The following VWF variants were observed in gnomAD, a reference collection of about 807,000 sequenced individuals.
The protein encoded by VWF is von Willebrand factor.
Under a neutral mutation model 308.6 loss-of-function variants are expected in VWF, and 176 were observed. That is an observed-to-expected ratio of 0.57 (90% confidence interval 0.50 to 0.65). The LOEUF (loss-of-function observed/expected upper bound fraction) is 0.65, where lower values mean the gene tolerates loss of function less well. Ranked by LOEUF, VWF falls within the 30% of genes least tolerant of loss-of-function variation. The pLI is 0.00. For missense variants in VWF, 3,146 were observed against 3,648.2 expected (o/e 0.86, Z 3.55); for synonymous variants, 1,385 against 1,443.4 (o/e 0.96, Z 0.92).
chr12:6,012,692 T>TG (rs147254096), intron 32 of VWF, among the ~76,000 whole-genome samples: 3 of 145,958 alleles, frequency 2.1e-5, no homozygotes, highest in African/African-American at 7.8e-5. Flanking sequence ...CGTGTGTGTG[T>TG]GTGTGTGTGT....
intron 35 of VWF, among the ~76,000 whole-genome samples, chr12:5,995,388 T>C (rs10849377): frequency 0.075 from 11,382 of 152,292 alleles, 607 homozygotes; most frequent in East Asian, 0.24. Flanking sequence ...ACTAAGATTT[T>C]TCTGCAATTA....
chr12:6,074,101 C>T (rs1016090455), intron 7 of VWF, among the ~76,000 whole-genome samples: 7 of 152,094 alleles, frequency 4.6e-5, no homozygotes, highest in South Asian at 2.1e-4. Context: ...TGGAGTCCTA[C>T]GACAAAGCAA....
At chr12:6,023,545 T>C in intron 25 of VWF, 86 bp downstream of exon 25, 3 of 1,557,936 alleles carry the variant, frequency 1.9e-6, no homozygotes, top group Non-Finnish European at 2.6e-6. Context: ...CCCATGAAGA[T>C]ATCCCCCTGC....
Position 6,069,489 on chromosome 12 carries a change from C to T in VWF, c.1156+1808G>A, listed in dbSNP as rs1338693877. On this transcript the variant is annotated intron_variant, in intron 10 of 51. Transcript: ENST00000261405. ...AGAGCCAAGCATATCCCCTCCAGAA[C>T]CATACCGCCTATTCTTCCCATCAGA... 2.6e-5 allele frequency among the ~76,000 whole-genome samples: 4 copies of T among 152,142 alleles called. No individual in the cohort carries two copies. In the East Asian group the frequency reaches 7.7e-4, roughly 29 times the overall value.
chr12:6,032,480 T>C (rs1944277764), intron 20 of VWF, among the ~76,000 whole-genome samples: 1 of 113,394 alleles, frequency 8.8e-6, no homozygotes, highest in Non-Finnish European at 1.9e-5. Flanking sequence ...TCTACTAAAA[T>C]ACAAAAAATT....
At chr12:6,042,960 C>T (rs960458362) in intron 18 of VWF, among the ~76,000 whole-genome samples, 2 of 152,170 alleles carry the variant, frequency 1.3e-5, no homozygotes, top group African/African-American at 4.8e-5. Context: ...ACCTAAGAGG[C>T]CCCAGGGATA....
At chr12:5,999,291 C>T (rs749978549) in intron 34 of VWF, among the ~76,000 whole-genome samples, 13 of 151,960 alleles carry the variant, frequency 8.6e-5, no homozygotes, top group African/African-American at 2.2e-4. Context: ...TAAAAACACA[C>T]GCAATATTTG....
intron 34 of VWF, among the ~76,000 whole-genome samples, chr12:6,008,483 TAA>T (rs1943955662): frequency 6.6e-6 from 1 of 152,122 alleles, no homozygotes; most frequent in Admixed American, 6.5e-5. Flanking sequence ...ATTTCATGAT[TAA>T]AACATTCAAC....
intron 34 of VWF, among the ~76,000 whole-genome samples, chr12:6,008,409 A>G (rs1395363823): frequency 6.6e-6 from 1 of 152,220 alleles, no homozygotes; most frequent in African/African-American, 2.4e-5. Context: ...AACAGAACAA[A>G]GGATAAAAAT....
At chr12:6,057,522 A>ATTATTATTG (rs1565847205) in intron 14 of VWF, among the ~76,000 whole-genome samples, 1 of 138,614 alleles carries the variant, frequency 7.2e-6, no homozygotes, top group East Asian at 2.1e-4. Context: ...TATTATTATT[A>ATTATTATTG]TTATTTTAAT....
chr12:5,963,864 A>G (rs965155779), intron 47 of VWF, among the ~76,000 whole-genome samples: 3 of 152,266 alleles, frequency 2.0e-5, no homozygotes, highest in East Asian at 1.9e-4. Context: ...AGGGCTGGCA[A>G]CTTTTTATTT....
intron 16 of VWF, among the ~76,000 whole-genome samples, chr12:6,051,482 G>A (rs1373019273): frequency 6.6e-6 from 1 of 151,954 alleles, no homozygotes; most frequent in African/African-American, 2.4e-5. Flanking sequence ...CACCGTGTTA[G>A]CCAGGATGGT....
chr12:6,067,825 T>C (rs1335861567), intron 10 of VWF, among the ~76,000 whole-genome samples: 1 of 151,612 alleles, frequency 6.6e-6, no homozygotes, highest in Non-Finnish European at 1.5e-5. Context: ...TTCCTAAAAC[T>C]GCATTTAAAA....
rs1303713447 is a variant in VWF at position 6,087,436 on chromosome 12, G to A, written c.657+8024C>T. 3.5e-5 allele frequency among the ~76,000 whole-genome samples: 5 copies of A among 141,998 alleles called. No individual in the cohort carries two copies. In the East Asian group the frequency reaches 1.1e-3, roughly 31 times the overall value. 93.2% of individuals were successfully genotyped at this position (141,998 alleles called of 152,430 possible). On this transcript the variant is annotated intron_variant, in intron 6 of 51. Transcript: ENST00000261405. ...TGCAGTGGTGCGATCTCGGCTCACT[G>A]CAAGCTTCGCCTCCCGGGTTCACGC...
At position 6,052,655 on chromosome 12, in the gene VWF, C is replaced by G. The variant is rs1398231658; in HGVS notation, c.2074G>C (p.Gly692Arg). 6.2e-7 allele frequency: 1 copy of G among 1,614,230 alleles called. No homozygotes were observed. Among genetic ancestry groups the G allele is most frequent in the East Asian group, 2.2e-5 (1 of 44,884 alleles). The change falls in exon 16 of 52, where the codon GGG becomes CGG. Residue 692 changes from glycine to arginine, a missense_variant. Physicochemically the swap from Gly to Arg is moderately radical, Grantham distance 125. Around this residue, in one of 3 missense-constraint regions of VWF, gnomAD observed 1,304 missense variants for 1,353.0 expected, o/e 0.96. Coordinates refer to ENST00000261405, the MANE Select transcript of VWF (RefSeq NM_000552.5). The part of the protein sequence containing the change: ...ACLEGCFCPP[G>R]LYMDERGDCV... ...TCCCCCCTCTCATCCATGTAGAGCC[C>G]TGGGGGGCAGAAGCAGCCCTCCAGG...
intron 46 of VWF, 132 bp from the exon 47 acceptor site, chr12:5,967,734 C>A (rs1227746232): frequency 1.2e-6 from 1 of 844,268 alleles, no homozygotes; most frequent in Non-Finnish European, 2.0e-6. Flanking sequence ...CCTCCTGTCT[C>A]CTATGGCCCA....
chr12:5,996,007 T>C lies in VWF; in HGVS notation c.6058A>G (p.Met2020Val), dbSNP rs769498397. The C allele has an allele frequency of 3.7e-6, 6 of 1,612,504 alleles. No individual in the cohort carries two copies. Among genetic ancestry groups the C allele is most frequent in the East Asian group, 2.2e-5 (1 of 44,892 alleles). The change falls in exon 35 of 52, where the codon ATG becomes GTG. Residue 2020 changes from methionine (M) to valine (V), a missense_variant. By Grantham distance (21) the Met-to-Val change is conservative. Coordinates refer to ENST00000261405, the MANE Select transcript of VWF (RefSeq NM_000552.5). ...SALSVELHSD[M>V]EVTVNGRLVS... Reference sequence around the variant, plus strand: ...CCACAGAAAGTACTTCTCACCTCCATGTCACTGTGCAGCTCGACGGAGAGG... The same window carrying C: ...CCACAGAAAGTACTTCTCACCTCCACGTCACTGTGCAGCTCGACGGAGAGG...
chr12:5,967,280 C>T (rs1943413641), intron 47 of VWF, among the ~76,000 whole-genome samples: 1 of 152,194 alleles, frequency 6.6e-6, no homozygotes, highest in Admixed American at 6.5e-5. Context: ...AAAATGTTTG[C>T]AACTTATAAA....
rs934148001 is a variant in VWF, at chr12:6,094,717, C to CT, written c.657+742dup. Among the ~76,000 whole-genome samples, 20 of 150,604 alleles carry CT rather than the reference C, an allele frequency of 1.3e-4. No homozygotes were observed. In the East Asian group the frequency reaches 1.6e-3, roughly 12 times the overall value. On this transcript the variant is annotated intron_variant, in intron 6 of 51. Coordinates refer to ENST00000261405, the MANE Select transcript of VWF (RefSeq NM_000552.5). ...GAGAGCACTTCAGTGTACTTTTTTT[C>CT]TTTTTTTTTAATTGAGACAGAGTCT...
Sources: gnomAD v4.1 joint callset for allele counts (sites outside exome capture counted in the v4.1 genomes callset) on GRCh38, gnomAD v4.1.1 for gene constraint, gnomAD v4.1.1 regional missense constraint, MANE v1.5 for transcripts, NCBI Gene and HGNC (gene_info 2026-07-23, HGNC 2026-07-21) for gene names.